Variants in PAPPA2 observed in about 807,000 individuals in gnomAD.
PAPPA2 encodes pappalysin-2.
A neutral mutation model predicts 176.4 loss-of-function variants in PAPPA2; 86 were observed. The observed-to-expected ratio is 0.49, with a 90% CI of 0.41 to 0.58. The LOEUF (loss-of-function observed/expected upper bound fraction) is 0.58. Ranked by LOEUF, PAPPA2 falls within the 20% of genes least tolerant of loss-of-function variation. PAPPA2 has a pLI of 0.00. For synonymous variants in PAPPA2, 809 were observed against 852.2 expected, an observed-to-expected ratio of 0.95 and a Z score of 0.88; for missense variants, 2,073 against 2,256.9, an observed-to-expected ratio of 0.92 and a Z score of 1.65.
chr1:176,837,368 G>A (rs1055722852), intron 21 of PAPPA2, among the ~76,000 whole-genome samples: 15 of 151,420 alleles, frequency 9.9e-5, no homozygotes, highest in African/African-American at 2.2e-4. Flanking sequence ...GTGTGTGTGC[G>A]TGTGTGTGTT....
chr1:176,736,484 A>AAAAT (rs5778909), intron 12 of PAPPA2, among the ~76,000 whole-genome samples: 2 of 146,628 alleles, frequency 1.4e-5, no homozygotes, highest in African/African-American at 2.5e-5. Context: ...TATATGTAAA[A>AAAAT]ATATATATTT....
chr1:176,657,512 G>T (rs1367580496), intron 3 of PAPPA2, among the ~76,000 whole-genome samples: 1 of 151,934 alleles, frequency 6.6e-6, no homozygotes, highest in Non-Finnish European at 1.5e-5. Context: ...TGCAAAACAC[G>T]GAACAGAGAA....
At chr1:176,797,551 G>A (rs141535986) in intron 20 of PAPPA2, among the ~76,000 whole-genome samples, 4 of 152,138 alleles carry the variant, frequency 2.6e-5, no homozygotes, top group East Asian at 3.9e-4. Context: ...GGAGGCTGAC[G>A]CAGGAGAATC....
rs10583497 is a variant in PAPPA2, at chr1:176,576,474, GGTGTGT to G, written c.920-18031_920-18026del. On this transcript the variant is annotated intron_variant, in intron 2 of 22. Transcript: ENST00000367662. ...GGTCACTAGGGAAACACGTCAATGG[GGTGTGT>G]GTGTGTGTGTGTGTGTGTTTGTGTG... 6.0e-3 allele frequency among the ~76,000 whole-genome samples: 894 copies of G among 149,880 alleles called. 18 individuals are homozygous for G. The highest frequency in any genetic ancestry group is 0.019 in the African/African-American group (795 of 40,832).
intron 10 of PAPPA2, among the ~76,000 whole-genome samples, chr1:176,708,654 T>C (rs959130347): frequency 6.6e-6 from 1 of 151,938 alleles, no homozygotes; most frequent in East Asian, 1.9e-4. Flanking sequence ...AAGCCCAAAA[T>C]AGACTTTCAA....
intron 14 of PAPPA2, among the ~76,000 whole-genome samples, chr1:176,765,415 C>T (rs1022140742): frequency 1.3e-5 from 2 of 152,208 alleles, no homozygotes; most frequent in Non-Finnish European, 2.9e-5. Context: ...CTCATTTCAT[C>T]ACCATTTGAT....
At chr1:176,484,919 G>A (rs1331044369) in intron 1 of PAPPA2, among the ~76,000 whole-genome samples, 1 of 152,154 alleles carries the variant, frequency 6.6e-6, no homozygotes, top group African/African-American at 2.4e-5. Context: ...CCCAGCACCA[G>A]TTTCTATGGC....
intron 1 of PAPPA2, among the ~76,000 whole-genome samples, chr1:176,489,717 T>TA (rs1163231900): frequency 6.6e-6 from 1 of 152,206 alleles, no homozygotes; most frequent in African/African-American, 2.4e-5. Flanking sequence ...TGCCAAGAAA[T>TA]AAAAGTTGTG....
chr1:176,662,539 C>T (rs1161627952), intron 3 of PAPPA2, among the ~76,000 whole-genome samples: 1 of 150,694 alleles, frequency 6.6e-6, no homozygotes, highest in Non-Finnish European at 1.5e-5. Flanking sequence ...ATTCTTTGCA[C>T]TTTTTCATGT....
At chr1:176,514,991 G>A (rs1648824256) in intron 1 of PAPPA2, among the ~76,000 whole-genome samples, 1 of 152,166 alleles carries the variant, frequency 6.6e-6, no homozygotes, top group South Asian at 2.1e-4. Flanking sequence ...GAATACGTTG[G>A]CCTCTGGAGT....
rs144878149 is a variant in PAPPA2 at position 176,739,076 on chromosome 1, G to A, written c.3799-550G>A. On this transcript the variant is annotated intron_variant, in intron 12 of 22. Coordinates refer to ENST00000367662, the MANE Select transcript of PAPPA2 (RefSeq NM_020318.3). ...TGGCAGATTCTAATTTCAGAAGCAA[G>A]AGACTCTGCCACAGCATATCTCCCA... 2.4e-3 allele frequency among the ~76,000 whole-genome samples: 372 copies of A among 152,256 alleles called. 3 individuals are homozygous for A. The highest frequency in any genetic ancestry group is 8.8e-3 in the African/African-American group (364 of 41,554).
At chr1:176,777,881 G>A (rs1664529903) in intron 17 of PAPPA2, among the ~76,000 whole-genome samples, 1 of 151,584 alleles carries the variant, frequency 6.6e-6, no homozygotes, top group South Asian at 2.1e-4. Flanking sequence ...TTTCTACCAG[G>A]TTAATGGCTC....
At chr1:176,557,582 TC>T (rs1651402412) in intron 2 of PAPPA2, among the ~76,000 whole-genome samples, 1 of 152,118 alleles carries the variant, frequency 6.6e-6, no homozygotes, top group South Asian at 2.1e-4. Context: ...GGTGTCACAC[TC>T]CATTTCCGGT....
intron 1 of PAPPA2, among the ~76,000 whole-genome samples, chr1:176,517,016 A>T (rs1362273546): frequency 6.6e-6 from 1 of 152,214 alleles, no homozygotes; most frequent in Admixed American, 6.6e-5. Flanking sequence ...GAAAACTCTT[A>T]AAAATTAGTA....
At chr1:176,661,872 C>T (rs907626272) in intron 3 of PAPPA2, among the ~76,000 whole-genome samples, 4 of 151,972 alleles carry the variant, frequency 2.6e-5, no homozygotes, top group Non-Finnish European at 5.9e-5. Flanking sequence ...CCACAAACTT[C>T]TACAGTGCCT....
chr1:176,602,193 A>G (rs754228548), intron 3 of PAPPA2, among the ~76,000 whole-genome samples: 2 of 152,102 alleles, frequency 1.3e-5, no homozygotes, highest in Admixed American at 6.5e-5. Context: ...TAACATCTCT[A>G]TGTGTTGGCA....
intron 1 of PAPPA2, among the ~76,000 whole-genome samples, chr1:176,525,569 A>G (rs568892371): frequency 6.6e-6 from 1 of 152,330 alleles, no homozygotes; most frequent in Admixed American, 6.5e-5. Context: ...AAAAAAATCC[A>G]GATTTCTGGG....
At chr1:176,592,424 A>G (rs1360063073) in intron 2 of PAPPA2, among the ~76,000 whole-genome samples, 1 of 152,212 alleles carries the variant, frequency 6.6e-6, no homozygotes, top group East Asian at 1.9e-4. Context: ...TACACTAATC[A>G]GAACTAGACT....
chr1:176,622,055 A>T (rs2102692873), intron 3 of PAPPA2, among the ~76,000 whole-genome samples: 1 of 152,224 alleles, frequency 6.6e-6, no homozygotes, highest in South Asian at 2.1e-4. Flanking sequence ...CAGAATGCTG[A>T]GAATTAGACC....
Sources: gnomAD v4.1 joint callset for allele counts (sites outside exome capture counted in the v4.1 genomes callset) on GRCh38, gnomAD v4.1.1 for gene constraint, MANE v1.5 for transcripts, NCBI Gene and HGNC (gene_info 2026-07-23, HGNC 2026-07-21) for gene names.